The following DNAH8 variants were observed in gnomAD, a reference collection of about 807,000 sequenced individuals.
DNAH8 encodes the protein axonemal beta dynein heavy chain 8.
Under a neutral mutation model 562.1 loss-of-function variants are expected in DNAH8, and 382 were observed. The observed-to-expected ratio is 0.68, with a 90% confidence interval of 0.63 to 0.74. DNAH8 has a LOEUF of 0.74. Ranked by LOEUF, DNAH8 falls within the 30% of genes least tolerant of loss-of-function variation. The pLI, the probability that DNAH8 is intolerant of heterozygous loss-of-function variation, is 0.00. For synonymous variants in DNAH8, 1,881 were observed against 1,919.4 expected (o/e 0.98, Z 0.52); for missense variants, 5,203 against 5,620.4 (o/e 0.93, Z 2.37).
At position 38,794,620 on chromosome 6, in the gene DNAH8, C is replaced by T. The variant is rs144129324; in HGVS notation, c.2901+2946C>T. 5.3e-3 allele frequency among the ~76,000 whole-genome samples: 810 copies of T among 152,178 alleles called. 21 individuals carry two copies. Among genetic ancestry groups the T allele is most frequent in the Non-Finnish European group, 2.4e-3 (161 of 68,014 alleles). On this transcript the variant is annotated intron_variant, in intron 21 of 92. Transcript: ENST00000327475. The stretch of plus-strand genomic sequence containing the variant: ...GACTTCTATCACTGTATATTAGTTT[C>T]GCCTGTTTTTGAACTTCATGTAAAT...
chr6:38,717,857 G>T (rs1320672318), intron 1 of DNAH8, among the ~76,000 whole-genome samples: 1 of 151,710 alleles, frequency 6.6e-6, no homozygotes, highest in Non-Finnish European at 1.5e-5. Context: ...TTATGTAACT[G>T]CATAAAGAAA....
In DNAH8 at chr6:38,775,832, A is replaced by G. The variant is rs1368161666; in HGVS notation, c.1843A>G (p.Ile615Val). ...CATAGAAGGAATAGATATTATGGCA[A>G]TAAAATTCAGAAATATATACCAAGG... Reference protein sequence around the residue: ...STIEGIDIMAIKFRNIYQGVK... With the variant: ...STIEGIDIMAVKFRNIYQGVK... Residue 615 changes from isoleucine to valine, a missense_variant, in exon 13 of 93, where the codon ATA becomes GTA. Coordinates refer to ENST00000327475, the MANE Select transcript of DNAH8 (RefSeq NM_001206927.2). The G allele has an allele frequency of 1.9e-6, 3 of 1,604,006 alleles. No homozygotes were observed. Among genetic ancestry groups the G allele is most frequent in the African/African-American group, 1.3e-5 (1 of 74,676 alleles).
chr6:38,971,480 T>TTC (rs1391939529), intron 82 of DNAH8, 112 bp from the exon 83 acceptor site: 1 of 628,294 alleles, frequency 1.6e-6, no homozygotes, highest in African/African-American at 1.9e-5. Flanking sequence ...AGATTTTTTT[T>TTC]TTTTTTTAGA....
chr6:38,833,986 T>C (rs1275601761), intron 31 of DNAH8, among the ~76,000 whole-genome samples: 1 of 152,226 alleles, frequency 6.6e-6, no homozygotes, highest in Admixed American at 6.5e-5. Flanking sequence ...CTTTGCTTAT[T>C]TTGGGGAGTG....
chr6:38,720,726 C>G (rs1416735720), intron 1 of DNAH8, among the ~76,000 whole-genome samples: 1 of 152,122 alleles, frequency 6.6e-6, no homozygotes, highest in Non-Finnish European at 1.5e-5. Flanking sequence ...AGGATCATGA[C>G]CTCTTCAAAA....
At chr6:38,800,865 G>A (rs1239275351) in intron 21 of DNAH8, among the ~76,000 whole-genome samples, 1 of 152,064 alleles carries the variant, frequency 6.6e-6, no homozygotes, top group Non-Finnish European at 1.5e-5. Context: ...TCAGAAGTAG[G>A]TATTCAGATC....
intron 62 of DNAH8, among the ~76,000 whole-genome samples, chr6:38,905,944 C>T (rs1388516116): frequency 6.6e-6 from 1 of 151,946 alleles, no homozygotes; most frequent in African/African-American, 2.4e-5. Context: ...CTCACTCTGT[C>T]GCCCAGGCTG....
chr6:38,800,772 A>G (rs1454396065), intron 21 of DNAH8, among the ~76,000 whole-genome samples: 1 of 152,078 alleles, frequency 6.6e-6, no homozygotes, highest in Non-Finnish European at 1.5e-5. Context: ...CTCCCCCTCA[A>G]GTGCCTCCCA....
At chr6:39,003,609 A>T (rs1203658743) in intron 88 of DNAH8, among the ~76,000 whole-genome samples, 1 of 152,210 alleles carries the variant, frequency 6.6e-6, no homozygotes, top group Non-Finnish European at 1.5e-5. Context: ...ACAAAATTAG[A>T]TCATACCATA....
chr6:38,972,570 C>A (rs1361708152), intron 83 of DNAH8, among the ~76,000 whole-genome samples: 1 of 129,626 alleles, frequency 7.7e-6, no homozygotes, highest in Non-Finnish European at 1.6e-5. Context: ...TAAATAATTT[C>A]TTTAGTTTCT....
At chr6:38,966,651 C>T (rs1762987796) in intron 82 of DNAH8, among the ~76,000 whole-genome samples, 1 of 151,954 alleles carries the variant, frequency 6.6e-6, no homozygotes, top group Admixed American at 6.6e-5. Context: ...TGAATTAATC[C>T]CAGGAGTATG....
chr6:38,723,831 C>T (rs1489458476), intron 3 of DNAH8, among the ~76,000 whole-genome samples: 1 of 151,430 alleles, frequency 6.6e-6, no homozygotes, highest in Non-Finnish European at 1.5e-5. Flanking sequence ...AGTACTCCAG[C>T]CTGGCTGACA....
intron 36 of DNAH8, among the ~76,000 whole-genome samples, chr6:38,847,850 G>T (rs567517758): frequency 6.6e-6 from 1 of 152,134 alleles, no homozygotes; most frequent in African/African-American, 2.4e-5. Flanking sequence ...TCTATTTCTT[G>T]TCCTCCTTTG....
intron 48 of DNAH8, among the ~76,000 whole-genome samples, chr6:38,869,830 G>C (rs1230309677): frequency 2.0e-5 from 3 of 152,166 alleles, no homozygotes; most frequent in Admixed American, 2.0e-4. Context: ...CAGTAGACTG[G>C]GGCAGGATTG....
intron 22 of DNAH8, among the ~76,000 whole-genome samples, chr6:38,805,098 G>C (rs1285506802): frequency 2.6e-5 from 4 of 152,160 alleles, no homozygotes; most frequent in Non-Finnish European, 5.9e-5. Flanking sequence ...TTTCCTCTTA[G>C]AGTTTTTCCA....
intron 47 of DNAH8, among the ~76,000 whole-genome samples, chr6:38,867,151 A>G (rs767323119): frequency 1.3e-5 from 2 of 152,142 alleles, no homozygotes; most frequent in Non-Finnish European, 2.9e-5. Context: ...CTGTAGCGCA[A>G]TAACAAAACT....
chr6:38,797,231 T>C (rs1375182222), intron 21 of DNAH8, among the ~76,000 whole-genome samples: 1 of 152,060 alleles, frequency 6.6e-6, no homozygotes, highest in Non-Finnish European at 1.5e-5. Flanking sequence ...CCATCTCTAC[T>C]AAAAGTATAA....
intron 13 of DNAH8, among the ~76,000 whole-genome samples, chr6:38,776,308 C>T (rs1768072084): frequency 6.6e-6 from 1 of 151,642 alleles, no homozygotes; most frequent in Non-Finnish European, 1.5e-5. Context: ...ACCTCCACCT[C>T]CCGAGTTCAA....
At chr6:38,865,643 A>G (rs980946295) in intron 45 of DNAH8, among the ~76,000 whole-genome samples, 2 of 152,188 alleles carry the variant, frequency 1.3e-5, no homozygotes, top group Non-Finnish European at 2.9e-5. Flanking sequence ...AAAAAACATC[A>G]AGGATATTTA....
Sources: allele counts gnomAD v4.1 joint callset (sites outside exome capture counted in the v4.1 genomes callset), GRCh38; gene constraint gnomAD v4.1.1; transcripts MANE v1.5; gene names NCBI Gene and HGNC (gene_info 2026-07-23, HGNC 2026-07-21).